The following DNAH5 variants were observed in gnomAD, a reference collection of about 807,000 sequenced individuals.
The protein encoded by DNAH5 is axonemal beta dynein heavy chain 5.
A neutral mutation model predicts 518.2 loss-of-function variants in DNAH5; 372 were observed. The ratio of observed to expected loss-of-function variants is 0.72; its 90% CI spans 0.66 to 0.78. The LOEUF is 0.78. DNAH5 is among the 30% of genes least tolerant of loss of function. The pLI is 0.00. For missense variants in DNAH5, 5,523 were observed against 5,687.0 expected (o/e 0.97, Z 0.93); for synonymous variants, 2,039 against 2,025.9 (o/e 1.01, Z -0.17).
intron 40 of DNAH5, among the ~76,000 whole-genome samples, chr5:13,822,225 C>A (rs1489354237): frequency 6.7e-6 from 1 of 149,406 alleles, no homozygotes; most frequent in African/African-American, 2.5e-5. Context: ...AGTACTGCTA[C>A]ATTTTGATTT....
chr5:13,710,200 C>T (rs1288066833), intron 75 of DNAH5, among the ~76,000 whole-genome samples: 1 of 151,990 alleles, frequency 6.6e-6, no homozygotes, highest in Non-Finnish European at 1.5e-5. Flanking sequence ...GTGGCTAGAC[C>T]CAGAAGAGAG....
chr5:13,936,200 T>C (rs1447314497), intron 1 of DNAH5, among the ~76,000 whole-genome samples: 2 of 152,164 alleles, frequency 1.3e-5, no homozygotes, highest in African/African-American at 2.4e-5. Flanking sequence ...ATCTTTCATT[T>C]AACCTCTCCA....
intron 31 of DNAH5, among the ~76,000 whole-genome samples, chr5:13,846,579 G>GCT: frequency 6.6e-6 from 1 of 152,184 alleles, no homozygotes; most frequent in Middle Eastern, 3.4e-3. Context: ...CATTCCTCAA[G>GCT]ACAAAGGAGG....
At chr5:13,849,164 C>T (rs1006540105) in intron 31 of DNAH5, among the ~76,000 whole-genome samples, 1 of 152,258 alleles carries the variant, frequency 6.6e-6, no homozygotes, top group Non-Finnish European at 1.5e-5. Context: ...ACTTCCACAT[C>T]TCCCCAGCTG....
intron 1 of DNAH5, among the ~76,000 whole-genome samples, chr5:13,933,087 G>C (rs1218658621): frequency 1.3e-5 from 2 of 152,214 alleles, no homozygotes; most frequent in Non-Finnish European, 2.9e-5. Context: ...AACGTCTCCA[G>C]ACATTGCCAA....
chr5:13,694,318 G>A (rs113998609), intron 78 of DNAH5, among the ~76,000 whole-genome samples: 3,434 of 152,260 alleles, frequency 0.023, 119 homozygotes, highest in African/African-American at 0.078. Context: ...AAGTCACAGC[G>A]TGCAGCAAAT....
Position 13,735,031 on chromosome 5 carries a change from T to C in DNAH5, c.11761+100A>G, listed in dbSNP as rs1747169316. 2.2e-5 allele frequency: 23 copies of C among 1,031,264 alleles called. 2 individuals are homozygous for C. The South Asian group carries it at 3.0e-4, about 13-fold the overall frequency. The allele number at this position is 1,031,264 out of a possible 1,614,324, so 63.9% of individuals were successfully genotyped here. A position where few individuals can be genotyped will look rare whatever the true frequency, so the allele number is the denominator to read the frequency against. On this transcript the variant is annotated intron_variant, in intron 68 of 78. Coordinates refer to ENST00000265104, the MANE Select transcript of DNAH5 (RefSeq NM_001369.3). ...CTCATCTAAATGCAGTCTTACATAA[T>C]GCAAGGCAATTGTTATAACCAAAAA...
intron 64 of DNAH5, 136 bp from the exon 65 acceptor site, chr5:13,751,396 G>A: frequency 2.3e-6 from 2 of 867,108 alleles, no homozygotes; most frequent in East Asian, 5.3e-5. Context: ...AAATGGTCAT[G>A]AGGCGTCTGC....
At chr5:13,748,662 A>G (rs2126678054) in intron 65 of DNAH5, among the ~76,000 whole-genome samples, 1 of 152,274 alleles carries the variant, frequency 6.6e-6, no homozygotes, top group Admixed American at 6.5e-5. Context: ...GAGTTCACTC[A>G]TGATTTGGCT....
chr5:13,762,956 C>T (rs1751988323), intron 59 of DNAH5, 55 bp from the exon 60 acceptor site: 6 of 1,454,308 alleles, frequency 4.1e-6, no homozygotes, highest in African/African-American at 2.8e-5. Flanking sequence ...TAAAGTCATA[C>T]TTGCATCATG....
At chr5:13,875,695 A>G (rs1455253296) in intron 22 of DNAH5, among the ~76,000 whole-genome samples, 2 of 152,198 alleles carry the variant, frequency 1.3e-5, no homozygotes, top group Non-Finnish European at 2.9e-5. Context: ...ATCATTCAGT[A>G]TAGAGCTTAA....
At chr5:13,761,727 T>C (rs1751812974) in intron 60 of DNAH5, among the ~76,000 whole-genome samples, 1 of 152,230 alleles carries the variant, frequency 6.6e-6, no homozygotes, top group Non-Finnish European at 1.5e-5. Flanking sequence ...GCTGAAGTCT[T>C]CAATAGTCAC....
intron 59 of DNAH5, among the ~76,000 whole-genome samples, chr5:13,763,146 T>C (rs1752010984): frequency 6.6e-6 from 1 of 152,152 alleles, no homozygotes; most frequent in Admixed American, 6.5e-5. Flanking sequence ...CTTAAATAAA[T>C]ATAATGAGAT....
At chr5:13,745,610 A>T (rs1502045) in intron 65 of DNAH5, among the ~76,000 whole-genome samples, 2 of 151,886 alleles carry the variant, frequency 1.3e-5, no homozygotes, top group South Asian at 2.1e-4. Context: ...TTGGAGTCAA[A>T]GATTTGTCTT....
intron 78 of DNAH5, among the ~76,000 whole-genome samples, chr5:13,696,468 A>G (rs904396946): frequency 1.3e-5 from 2 of 152,196 alleles, no homozygotes; most frequent in Non-Finnish European, 2.9e-5. Flanking sequence ...ATATCACTCA[A>G]TTTTTAGAAT....
intron 15 of DNAH5, among the ~76,000 whole-genome samples, chr5:13,895,335 G>A (rs1324012840): frequency 6.6e-6 from 1 of 152,118 alleles, no homozygotes; most frequent in Non-Finnish European, 1.5e-5. Flanking sequence ...AACTGAAGAT[G>A]AACAAGAATT....
chr5:13,913,672 CTG>C, intron 11 of DNAH5, 69 bp downstream of exon 11: 5 of 1,551,326 alleles, frequency 3.2e-6, no homozygotes, highest in Admixed American at 1.7e-5. Flanking sequence ...ATTCTAAACA[CTG>C]TTATTTGCAT....
intron 3 of DNAH5, among the ~76,000 whole-genome samples, chr5:13,925,134 C>G (rs907283946): frequency 2.0e-5 from 3 of 152,154 alleles, no homozygotes; most frequent in Non-Finnish European, 4.4e-5. Context: ...TTAAAGGTAA[C>G]TAGAAGATCA....
chr5:13,808,688 G>A (rs1424194010), intron 46 of DNAH5, among the ~76,000 whole-genome samples: 1 of 149,344 alleles, frequency 6.7e-6, no homozygotes, highest in African/African-American at 2.5e-5. Context: ...GGCTGGGCAC[G>A]GTGGCTCACG....
Sources: allele counts gnomAD v4.1 joint callset (sites outside exome capture counted in the v4.1 genomes callset), GRCh38; gene constraint gnomAD v4.1.1; transcripts MANE v1.5; gene names NCBI Gene and HGNC (gene_info 2026-07-23, HGNC 2026-07-21).